The following LARGE1 variants were observed in gnomAD, a reference collection of about 807,000 sequenced individuals.
LARGE1 encodes the protein xylosyl- and glucuronyltransferase LARGE1.
LARGE1 carries 43 observed loss-of-function variants against 87.6 expected under a neutral mutation model. The ratio of observed to expected loss-of-function variants is 0.49; its 90% CI spans 0.38 to 0.63. The LOEUF is 0.63. Ranked by LOEUF, LARGE1 falls within the 30% of genes least tolerant of loss-of-function variation. The probability of loss-of-function intolerance (pLI) is 0.00; values close to 1 mark genes in which losing one functional copy is unlikely to be tolerated. For missense variants in LARGE1, 802 were observed against 1,000.2 expected (o/e 0.80, Z 2.67); for synonymous variants, 434 against 394.6 (o/e 1.10, Z -1.18).
intron 7 of LARGE1, among the ~76,000 whole-genome samples, chr22:33,386,710 G>T (rs888144067): frequency 6.7e-6 from 1 of 148,754 alleles, no homozygotes; most frequent in African/African-American, 2.4e-5. Flanking sequence ...AATGTTGGGG[G>T]GGGTAGAAAG....
At chr22:33,727,013 C>T (rs1041876679) in intron 2 of LARGE1, among the ~76,000 whole-genome samples, 1 of 152,060 alleles carries the variant, frequency 6.6e-6, no homozygotes, top group African/African-American at 2.4e-5. Flanking sequence ...TTTGGAAAAG[C>T]CGGGTAGGGA....
chr22:33,230,609 A>G (rs1266876324), intron 11 of LARGE1, among the ~76,000 whole-genome samples: 1 of 152,218 alleles, frequency 6.6e-6, no homozygotes, highest in Non-Finnish European at 1.5e-5. Context: ...ATCTATTCCA[A>G]CTTCTGAGAG....
intron 3 of LARGE1, among the ~76,000 whole-genome samples, chr22:33,638,388 A>G (rs1411609900): frequency 2.6e-5 from 4 of 152,228 alleles, no homozygotes; most frequent in Non-Finnish European, 4.4e-5. Context: ...AGAAGAACAG[A>G]CAGATCTTTG....
At chr22:33,365,479 C>T (rs893472528) in intron 9 of LARGE1, among the ~76,000 whole-genome samples, 2 of 152,078 alleles carry the variant, frequency 1.3e-5, no homozygotes, top group Non-Finnish European at 2.9e-5. Context: ...TGTTTATTGG[C>T]CATTTGCCTG....
intron 6 of LARGE1, among the ~76,000 whole-genome samples, chr22:33,484,818 TTG>T (rs1569204476): frequency 6.6e-6 from 1 of 152,160 alleles, no homozygotes; most frequent in Non-Finnish European, 1.5e-5. Context: ...TTCTTCCTTA[TTG>T]TCATTTTTGT....
At chr22:33,185,192 T>C (rs1455660490) in intron 11 of LARGE1, among the ~76,000 whole-genome samples, 1 of 152,098 alleles carries the variant, frequency 6.6e-6, no homozygotes, top group African/African-American at 2.4e-5. Context: ...TAAAGTGTAA[T>C]ACATCCAGAC....
At chr22:33,532,854 G>A (rs1009258080) in intron 6 of LARGE1, among the ~76,000 whole-genome samples, 1 of 152,184 alleles carries the variant, frequency 6.6e-6, no homozygotes, top group African/African-American at 2.4e-5. Context: ...CCTGCTCATC[G>A]ATGATGTCCA....
intron 7 of LARGE1, among the ~76,000 whole-genome samples, chr22:33,421,650 A>C (rs892805199): frequency 6.6e-6 from 1 of 152,188 alleles, no homozygotes; most frequent in Non-Finnish European, 1.5e-5. Flanking sequence ...GTACTCTATT[A>C]TCTCATTTAC....
chr22:33,439,114 T>C (rs2067376348), intron 6 of LARGE1, among the ~76,000 whole-genome samples: 1 of 150,318 alleles, frequency 6.7e-6, no homozygotes, highest in Non-Finnish European at 1.5e-5. Flanking sequence ...CTTGGGAGGC[T>C]AAGGCATGAG....
chr22:33,513,117 G>A (rs571269210), intron 6 of LARGE1, among the ~76,000 whole-genome samples: 8 of 152,116 alleles, frequency 5.3e-5, no homozygotes, highest in African/African-American at 1.9e-4. Context: ...ATGTGTACTG[G>A]TGTGACCATT....
chr22:33,610,754 GTCTTC>G (rs1389926202), intron 4 of LARGE1, among the ~76,000 whole-genome samples: 1 of 152,142 alleles, frequency 6.6e-6, no homozygotes, highest in Admixed American at 6.5e-5. Context: ...CATTTCAGAA[GTCTTC>G]CAGGCTGCCC....
downstream of LARGE1, chr22:33,162,180 A>G (rs1162198841): frequency 6.6e-6 from 1 of 152,192 alleles, no homozygotes; most frequent in African/African-American, 2.4e-5. Context: ...AATTTACTGT[A>G]TTAGTCCATT....
intron 6 of LARGE1, among the ~76,000 whole-genome samples, chr22:33,472,023 C>A (rs559412221): frequency 4.5e-4 from 68 of 152,132 alleles, no homozygotes; most frequent in African/African-American, 1.6e-3. Flanking sequence ...GCACTCCAGC[C>A]TGGGTGACAC....
intron 9 of LARGE1, among the ~76,000 whole-genome samples, chr22:33,366,856 G>A (rs540510363): frequency 6.6e-6 from 1 of 152,100 alleles, no homozygotes; most frequent in African/African-American, 2.4e-5. Context: ...TGGCTTTGCT[G>A]AATGGGTTAA....
At chr22:33,181,124 T>C (rs1391197800) in intron 11 of LARGE1, among the ~76,000 whole-genome samples, 1 of 152,104 alleles carries the variant, frequency 6.6e-6, no homozygotes, top group Non-Finnish European at 1.5e-5. Flanking sequence ...CTGATGTAAA[T>C]ACATAAACAG....
chr22:33,582,042 A>G (rs2078536536), intron 5 of LARGE1, among the ~76,000 whole-genome samples: 1 of 152,172 alleles, frequency 6.6e-6, no homozygotes. Flanking sequence ...GGTCACCCCA[A>G]TTGTGTCAGT....
chr22:33,687,669 C>T (rs1477667801), intron 2 of LARGE1, among the ~76,000 whole-genome samples: 2 of 152,042 alleles, frequency 1.3e-5, no homozygotes, highest in African/African-American at 2.4e-5. Flanking sequence ...AGTTATGTCA[C>T]GTGCTAGGGA....
intron 2 of LARGE1, among the ~76,000 whole-genome samples, chr22:33,719,749 T>C (rs1352330654): frequency 6.6e-6 from 1 of 152,128 alleles, no homozygotes; most frequent in Non-Finnish European, 1.5e-5. Context: ...CCTGATTTCC[T>C]GACCTCATAA....
At chr22:33,875,643 C>A (rs1032955808) in intron 1 of LARGE1, among the ~76,000 whole-genome samples, 3 of 152,058 alleles carry the variant, frequency 2.0e-5, no homozygotes, top group African/African-American at 7.2e-5. Flanking sequence ...AAGCAGGTGA[C>A]CGATGAATTT....
Sources: allele counts gnomAD v4.1 joint callset (sites outside exome capture counted in the v4.1 genomes callset), GRCh38; gene constraint gnomAD v4.1.1; transcripts MANE v1.5; gene names NCBI Gene and HGNC (gene_info 2026-07-23, HGNC 2026-07-21).